METAP1D: variants seen among roughly 807,000 people sequenced by gnomAD.
The protein encoded by METAP1D is methionyl aminopeptidase type 1D, mitochondrial.
METAP1D carries 31 observed loss-of-function variants against 40.5 expected under a neutral mutation model. The ratio of observed to expected loss-of-function variants is 0.77; its 90% confidence interval spans 0.58 to 1.03. METAP1D has a LOEUF of 1.03. Among genes scored for constraint, METAP1D ranks in the 50% least tolerant of loss-of-function variants. The pLI is 0.00. For missense variants in METAP1D, 411 were observed against 420.7 expected, an observed-to-expected ratio of 0.98 and a Z score of 0.20; for synonymous variants, 151 against 146.4, an observed-to-expected ratio of 1.03 and a Z score of -0.22.
chr2:172,055,835 C>T (rs1689990269), intron 1 of METAP1D, among the ~76,000 whole-genome samples: 1 of 152,160 alleles, frequency 6.6e-6, no homozygotes, highest in East Asian at 1.9e-4. Context: ...TGGATATGTT[C>T]AGGCTGTGTT....
At chr2:172,043,138 C>G (rs1210974066) in intron 1 of METAP1D, among the ~76,000 whole-genome samples, 2 of 126,584 alleles carry the variant, frequency 1.6e-5, no homozygotes, top group African/African-American at 5.3e-5. Context: ...TACAGGATCT[C>G]ACTTTGTTCC....
intron 1 of METAP1D, among the ~76,000 whole-genome samples, chr2:172,010,056 G>C (rs1382550423): frequency 1.3e-5 from 2 of 152,072 alleles, no homozygotes; most frequent in Admixed American, 1.3e-4. Flanking sequence ...TGGCGGCTTG[G>C]AGCAAAATTT....
chr2:172,026,075 A>T (rs1214450714), intron 1 of METAP1D, among the ~76,000 whole-genome samples: 1 of 152,032 alleles, frequency 6.6e-6, no homozygotes, highest in East Asian at 1.9e-4. Context: ...TGTTTGTTTC[A>T]GTTGTTTTGT....
At chr2:172,045,955 GGGGCTC>G (rs765187612) in intron 1 of METAP1D, among the ~76,000 whole-genome samples, 125 of 141,842 alleles carry the variant, frequency 8.8e-4, no homozygotes, top group Non-Finnish European at 1.6e-3. Flanking sequence ...CCCTACTCTT[GGGGCTC>G]AGCCTCATTT....
At chr2:172,043,712 A>G (rs1447346422) in intron 1 of METAP1D, among the ~76,000 whole-genome samples, 3 of 135,052 alleles carry the variant, frequency 2.2e-5, no homozygotes, top group Non-Finnish European at 3.5e-5. Context: ...CAAGGCCTGT[A>G]TGGAGAAAAC....
At chr2:172,029,912 C>T (rs1211320324) in intron 1 of METAP1D, among the ~76,000 whole-genome samples, 1 of 151,602 alleles carries the variant, frequency 6.6e-6, no homozygotes, top group African/African-American at 2.4e-5. Context: ...TGCGCCACCA[C>T]ATCCAGCTAA....
chr2:172,074,829 G>A (rs1690506301), intron 6 of METAP1D, among the ~76,000 whole-genome samples: 2 of 152,148 alleles, frequency 1.3e-5, no homozygotes, highest in Admixed American at 1.3e-4. Context: ...TGACTATTTG[G>A]AGATTAGTGC....
Position 172,082,080 on chromosome 2 carries a change from C to T in METAP1D, c.*1674C>T, listed in dbSNP as rs549454839. The stretch of plus-strand genomic sequence containing the variant: ...ATGATTTACAAGGTCCATAGAAAAA[C>T]TTTTTGTGTGGTCGGAAGTTGGCCA... On this transcript the variant is annotated 3_prime_UTR_variant, in exon 10 of 10. Transcript: ENST00000315796. 2 of 152,468 alleles carry T rather than the reference C, an allele frequency of 1.3e-5. No homozygotes were observed. Among genetic ancestry groups the T allele is most frequent in the Admixed American group, 6.5e-5 (1 of 15,302 alleles). The allele number at this position is 152,468 out of a possible 1,614,324, so 9.4% of individuals were successfully genotyped here. A position where few individuals can be genotyped will look rare whatever the true frequency, so the allele number is the denominator to read the frequency against.
At chr2:172,024,748 T>TTGTGTGTGTGTGTGTGTGTGTG (rs61596658) in intron 1 of METAP1D, among the ~76,000 whole-genome samples, 2 of 66,570 alleles carry the variant, frequency 3.0e-5, no homozygotes, top group African/African-American at 8.0e-5. Flanking sequence ...GACATATAGA[T>TTGTGTGTGTGTGTGTGTGTGTG]TGTGTGTGTG....
intron 1 of METAP1D, among the ~76,000 whole-genome samples, chr2:172,054,379 C>T (rs780340919): frequency 6.6e-6 from 1 of 151,980 alleles, no homozygotes; most frequent in African/African-American, 2.4e-5. Flanking sequence ...ATTAGCTGGA[C>T]GTGGTGGTGG....
chr2:172,001,405 G>A (rs181711544), intron 1 of METAP1D, among the ~76,000 whole-genome samples: 2 of 152,198 alleles, frequency 1.3e-5, no homozygotes, highest in Non-Finnish European at 2.9e-5. Context: ...GGGCGTGGTG[G>A]CGCATGCCTG....
intron 6 of METAP1D, chr2:172,072,356 G>A (rs1690441838): frequency 6.0e-6 from 1 of 167,282 alleles, no homozygotes; most frequent in Admixed American, 6.5e-5. Context: ...TTCAGTAGAA[G>A]GGGGCAGAGA....
chr2:172,016,332 A>ATAT (rs1558995296), intron 1 of METAP1D, among the ~76,000 whole-genome samples: 1 of 88,018 alleles, frequency 1.1e-5, no homozygotes, highest in Non-Finnish European at 2.5e-5. Flanking sequence ...TATATATATA[A>ATAT]ATAGTCCAGG....
intron 1 of METAP1D, among the ~76,000 whole-genome samples, chr2:172,015,500 G>T (rs976409583): frequency 3.9e-5 from 6 of 152,044 alleles, no homozygotes; most frequent in African/African-American, 1.2e-4. Flanking sequence ...TATTAGCAAA[G>T]AACTGGAAAT....
intron 1 of METAP1D, among the ~76,000 whole-genome samples, chr2:172,017,343 GT>G (rs1688895217): frequency 6.7e-6 from 1 of 149,278 alleles, no homozygotes; most frequent in African/African-American, 2.5e-5. Context: ...GTATATATAT[GT>G]GTATATATAG....
chr2:172,024,598 A>C (rs1000361795), intron 1 of METAP1D, among the ~76,000 whole-genome samples: 4 of 152,232 alleles, frequency 2.6e-5, no homozygotes, highest in African/African-American at 9.6e-5. Context: ...ACCCCCCGCT[A>C]TATACCTTAT....
At chr2:172,019,856 A>G (rs1471742786) in intron 1 of METAP1D, among the ~76,000 whole-genome samples, 1 of 152,110 alleles carries the variant, frequency 6.6e-6, no homozygotes, top group African/African-American at 2.4e-5. Flanking sequence ...ACCATCACTT[A>G]ATTAGTTCAT....
At chr2:172,041,726 T>TTATATATACATATATATATATA (rs1689532380) in intron 1 of METAP1D, among the ~76,000 whole-genome samples, 1 of 37,560 alleles carries the variant, frequency 2.7e-5, no homozygotes, top group African/African-American at 8.1e-5. Flanking sequence ...TCTAATTATT[T>TTATATATACATATATATATATA]TATATATATA....
intron 1 of METAP1D, among the ~76,000 whole-genome samples, chr2:172,043,167 C>G (rs1689660991): frequency 7.8e-6 from 1 of 128,588 alleles, no homozygotes; most frequent in South Asian, 2.5e-4. Flanking sequence ...GTCTCAAACT[C>G]CTGAGCTCAA....
Sources: gnomAD v4.1 joint callset for allele counts (sites outside exome capture counted in the v4.1 genomes callset) on GRCh38, gnomAD v4.1.1 for gene constraint, MANE v1.5 for transcripts, NCBI Gene and HGNC (gene_info 2026-07-23, HGNC 2026-07-21) for gene names.